The following GGT5 variants were observed in gnomAD, a reference collection of about 807,000 sequenced individuals.
GGT5 encodes the protein glutathione hydrolase 5 proenzyme.
In GGT5, 50 loss-of-function variants were observed where a neutral mutation model predicts 58.1. The ratio of observed to expected loss-of-function variants is 0.86; its 90% confidence interval spans 0.69 to 1.09. The LOEUF (loss-of-function observed/expected upper bound fraction) is 1.09, where lower values mean the gene tolerates loss of function less well. Among genes scored for constraint, GGT5 ranks in the 50% least tolerant of loss-of-function variants. The probability of loss-of-function intolerance (pLI) is 0.00; values close to 1 mark genes in which losing one functional copy is unlikely to be tolerated. For missense variants in GGT5, 800 were observed against 789.4 expected (o/e 1.01, Z -0.16); for synonymous variants, 370 against 346.1 (o/e 1.07, Z -0.77).
Position 24,225,416 on chromosome 22 carries a change from T to C in GGT5, c.1337-5A>G, listed in dbSNP as rs778801768. 1.9e-6 allele frequency: 3 copies of C among 1,605,652 alleles called. No homozygotes were observed. The Admixed American group carries it at 5.0e-5, about 27-fold the overall frequency. On this transcript the variant is annotated splice_polypyrimidine_tract_variant and splice_region_variant and intron_variant, in intron 9 of 11. Coordinates refer to ENST00000327365, the MANE Select transcript of GGT5 (RefSeq NM_004121.5). ...CACCCACCCTGTCTCCACTCACTGC[T>C]GAGCAAACAGCGTCTTGGCAAGTGC...
intron 1 of GGT5, among the ~76,000 whole-genome samples, chr22:24,237,555 C>A (rs1352657721): frequency 6.6e-6 from 1 of 152,024 alleles, no homozygotes; most frequent in African/African-American, 2.4e-5. Context: ...ATTACAGCCA[C>A]CAGCCATCAC....
chr22:24,231,442 G>A lies in GGT5; in HGVS notation c.843C>T (p.Tyr281=), dbSNP rs143722877. The A allele has an allele frequency of 1.3e-6, 2 of 1,563,266 alleles. No individual in the cohort carries two copies. The highest frequency in any genetic ancestry group is 1.4e-5 in the African/African-American group (1 of 73,480). The change falls in exon 6 of 12, where the codon TAC becomes TAT. Residue 281 remains tyrosine, a synonymous_variant. Coordinates refer to ENST00000327365, the MANE Select transcript of GGT5 (RefSeq NM_004121.5). The part of the protein sequence containing the change: ...LEVPLGDYTL[Y]SPPPPAGGAI... ...CACCCCCTGCAGGCGGCGGTGGTGA[G>A]TACAGGGTATAGTCCCCCAGGGGCA...
Position 24,225,230 on chromosome 22 carries a change from G to A in GGT5, c.1503+15C>T. On this transcript the variant is annotated intron_variant, in intron 10 of 11. Transcript: ENST00000327365. The stretch of plus-strand genomic sequence containing the variant: ...CCCAGAGAGGAGACACTCGAGCCAG[G>A]AGCCCCAGACTCACCTGGGCCACAG... The A allele has an allele frequency of 6.2e-7, 1 of 1,612,086 alleles. No individual in the cohort carries two copies. Among genetic ancestry groups the A allele is most frequent in the Non-Finnish European group, 8.5e-7 (1 of 1,179,152 alleles).
chr22:24,244,705 G>T lies in GGT5; in HGVS notation c.21C>A (p.Ala7=), dbSNP rs1418115543. 1.9e-6 allele frequency: 3 copies of T among 1,611,578 alleles called. No homozygotes were observed. The African/African-American group carries it at 4.0e-5, about 22-fold the overall frequency. Residue 7 remains alanine, a synonymous_variant, in exon 1 of 12, where the codon GCC becomes GCA. Transcript: ENST00000327365. MARGYG[A]TVSLVLLGLG... ...GACCCAGCAGGACTAGGCTGACCGT[G>T]GCCCCGTAGCCCCGGGCCATGGCTC... is the stretch of plus-strand genomic sequence containing the variant.
intron 6 of GGT5, among the ~76,000 whole-genome samples, chr22:24,227,535 C>T (rs1207493220): frequency 6.6e-6 from 1 of 152,168 alleles, no homozygotes; most frequent in African/African-American, 2.4e-5. Flanking sequence ...GCATGAGCCA[C>T]CACACCCGGC....
At chr22:24,227,206 T>A (rs2047794809) in intron 6 of GGT5, among the ~76,000 whole-genome samples, 1 of 148,476 alleles carries the variant, frequency 6.7e-6, no homozygotes, top group African/African-American at 2.6e-5. Flanking sequence ...TGCCTTGGCC[T>A]CCCAAAGTGC....
In GGT5 at chr22:24,233,555, C is replaced by A; in HGVS notation, c.343G>T (p.Ala115Ser). ...TCCAGCAGGCTCGGGGCGTGGCTGG[C>A]CGGCACCGTCTCCCGGGCATTGATG... ...EVINARETVP[A>S]SHAPSLLDQC... The change falls in exon 3 of 12, where the codon GCC (alanine) becomes TCC (serine). Residue 115 changes from alanine (A) to serine (S), a missense_variant. Coordinates refer to ENST00000327365, the MANE Select transcript of GGT5 (RefSeq NM_004121.5). 6.2e-7 allele frequency: 1 copy of A among 1,609,252 alleles called. No individual in the cohort carries two copies. The highest frequency in any genetic ancestry group is 8.5e-7 in the Non-Finnish European group (1 of 1,179,100).
At chr22:24,220,348 GAAGACCTCCA>G in intron 11 of GGT5, 1 of 626,766 alleles carries the variant, frequency 1.6e-6, no homozygotes, top group Non-Finnish European at 2.9e-6. Flanking sequence ...ACCCAGGCCC[GAAGACCTCCA>G]AATGCAAGTT....
chr22:24,238,838 TA>T lies in GGT5; in HGVS notation c.174-4835del, dbSNP rs61214227. Among the ~76,000 whole-genome samples the T allele has an allele frequency of 8.2e-3, 91 of 11,142 alleles. 12 individuals carry two copies. In the Admixed American group the frequency reaches 0.12, roughly 15 times the overall value. The allele number at this position is 11,142 out of a possible 152,430, so 7.3% of individuals were successfully genotyped here. A position where few individuals can be genotyped will look rare whatever the true frequency, so the allele number is the denominator to read the frequency against. On this transcript the variant is annotated intron_variant, in intron 1 of 11. Coordinates refer to ENST00000327365, the MANE Select transcript of GGT5 (RefSeq NM_004121.5). ...TTATATATATATATATATATTTATA[TA>T]TATATATTATATATATTATATATAT... is the stretch of plus-strand genomic sequence containing the variant.
Position 24,219,889 on chromosome 22 carries a change from G to T in GGT5, c.*81C>A. ...TGCCAGGGGTCCAGATCCTGCCAGA[G>T]TAGTTGGTCCCCCAGCCATGTCCGG... is the stretch of plus-strand genomic sequence containing the variant. On this transcript the variant is annotated 3_prime_UTR_variant, in exon 12 of 12. Transcript: ENST00000327365. 1 of 1,394,986 alleles carries T rather than the reference G, an allele frequency of 7.2e-7. No individual in the cohort carries two copies. Among genetic ancestry groups the T allele is most frequent in the Non-Finnish European group, 1.0e-6 (1 of 996,514 alleles). The allele number at this position is 1,394,986 out of a possible 1,614,324, so 86.4% of individuals were successfully genotyped here. A position where few individuals can be genotyped will look rare whatever the true frequency, so the allele number is the denominator to read the frequency against.
chr22:24,231,050 C>G (rs1334067009), intron 6 of GGT5, among the ~76,000 whole-genome samples: 2 of 152,206 alleles, frequency 1.3e-5, no homozygotes, highest in Non-Finnish European at 2.9e-5. Flanking sequence ...TTCGCTCCCC[C>G]AGGTGCACGC....
chr22:24,237,007 CTTTT>C (rs35060391), intron 1 of GGT5, among the ~76,000 whole-genome samples: 2 of 131,122 alleles, frequency 1.5e-5, no homozygotes, highest in South Asian at 2.4e-4. Context: ...TCTTTTCTCT[CTTTT>C]TTTTTTTTTT....
intron 6 of GGT5, among the ~76,000 whole-genome samples, chr22:24,227,243 C>T (rs62231989): frequency 6.6e-6 from 1 of 151,622 alleles, no homozygotes; most frequent in Non-Finnish European, 1.5e-5. Flanking sequence ...AGCCATCATG[C>T]CCCGCCTTTT....
chr22:24,240,238 A>T (rs1458979629), intron 1 of GGT5, among the ~76,000 whole-genome samples: 2 of 152,260 alleles, frequency 1.3e-5, no homozygotes, highest in African/African-American at 4.8e-5. Flanking sequence ...GAGAAAAAGG[A>T]AATTGAATAA....
intron 6 of GGT5, among the ~76,000 whole-genome samples, chr22:24,228,632 A>C (rs2047847804): frequency 6.6e-6 from 1 of 151,838 alleles, no homozygotes; most frequent in African/African-American, 2.4e-5. Flanking sequence ...TTGTATTTTT[A>C]GTAGAGACAG....
intron 1 of GGT5, among the ~76,000 whole-genome samples, chr22:24,235,875 G>T (rs1481451532): frequency 6.6e-6 from 1 of 151,976 alleles, no homozygotes; most frequent in African/African-American, 2.4e-5. Context: ...CCCCAAGAGG[G>T]AATGGGCCAG....
At position 24,244,758 on chromosome 22, in the gene GGT5, G is replaced by C. The variant is rs768965901; in HGVS notation, c.-33C>G. 7 of 1,575,972 alleles carry C rather than the reference G, an allele frequency of 4.4e-6. No homozygotes were observed. In the East Asian group the frequency reaches 1.6e-4, roughly 36 times the overall value. ...CAGCCCAGGAGGAGAGGGGCGGCTGGTGGGCAGACGGAGGGACGGATGGGT... is the reference window on the plus strand; with the variant it reads ...CAGCCCAGGAGGAGAGGGGCGGCTGCTGGGCAGACGGAGGGACGGATGGGT... On this transcript the variant is annotated 5_prime_UTR_variant, in exon 1 of 12. Transcript: ENST00000327365.
chr22:24,225,296 C>G lies in GGT5; in HGVS notation c.1452G>C (p.Lys484Asn). The G allele has an allele frequency of 6.2e-7, 1 of 1,614,140 alleles. No individual in the cohort carries two copies. The highest frequency in any genetic ancestry group is 8.5e-7 in the Non-Finnish European group (1 of 1,180,016). ...CCCCGCCAGCCCCGCCAATCACTAG[C>G]TTCGACCCCTGGGCTTTGTTGATCA... ...SILINKAQGS[K>N]LVIGGAGGEL... The change falls in exon 10 of 12, where the codon AAG (lysine) becomes AAC (asparagine). Residue 484 changes from lysine to asparagine, a missense_variant. By Grantham distance (94) the Lys-to-Asn change is moderately conservative. Transcript: ENST00000327365.
At chr22:24,224,079 A>G (rs1289117310) in intron 11 of GGT5, among the ~76,000 whole-genome samples, 3 of 152,022 alleles carry the variant, frequency 2.0e-5, no homozygotes, top group Non-Finnish European at 2.9e-5. Flanking sequence ...AATCTTTTAA[A>G]TAGGTCCTAA....
Sources: gnomAD v4.1 joint callset for allele counts (sites outside exome capture counted in the v4.1 genomes callset) on GRCh38, gnomAD v4.1.1 for gene constraint, MANE v1.5 for transcripts, NCBI Gene and HGNC (gene_info 2026-07-23, HGNC 2026-07-21) for gene names.